Variants in LRRC7 observed in about 807,000 individuals in gnomAD.
LRRC7 encodes leucine rich repeat containing 7.
Under a neutral mutation model 175.7 loss-of-function variants are expected in LRRC7, and 23 were observed. The ratio of observed to expected loss-of-function variants is 0.13; its 90% CI spans 0.09 to 0.19. The LOEUF (loss-of-function observed/expected upper bound fraction) is 0.19, where lower values mean the gene tolerates loss of function less well. LRRC7 is among the 10% of genes least tolerant of loss of function. The pLI is 1.00. For missense variants in LRRC7, 1,354 were observed against 1,904.7 expected (o/e 0.71, Z 5.38); for synonymous variants, 685 against 680.9 (o/e 1.01, Z -0.09).
At chr1:70,003,351 A>G (rs192768768) in intron 11 of LRRC7, among the ~76,000 whole-genome samples, 10 of 152,322 alleles carry the variant, frequency 6.6e-5, no homozygotes, top group South Asian at 6.2e-4. Flanking sequence ...TCCATAACAT[A>G]TATCTTTTAA....
rs1659719351 is a variant in LRRC7, at chr1:70,039,944, A to G, written c.3969+151A>G. The G allele has an allele frequency of 3.7e-6, 4 of 1,092,654 alleles. No individual in the cohort carries two copies. In the South Asian group the frequency reaches 5.5e-5, roughly 15 times the overall value. 67.7% of individuals were successfully genotyped at this position (1,092,654 alleles called of 1,614,324 possible). A position where few individuals can be genotyped will look rare whatever the true frequency, so the allele number is the denominator to read the frequency against. Reference sequence around the variant, plus strand: ...CTTTATATTGTGGGGAAAATGGATCATAATAGTTTTTCATGGATGTGGCTA... The same window carrying G: ...CTTTATATTGTGGGGAAAATGGATCGTAATAGTTTTTCATGGATGTGGCTA... On this transcript the variant is annotated intron_variant, in intron 21 of 26. Coordinates refer to ENST00000651989, the MANE Select transcript of LRRC7 (RefSeq NM_001370785.2).
rs547575891 is a variant in LRRC7 at position 70,132,888 on chromosome 1, G to T, written c.*11001G>T. Among the ~76,000 whole-genome samples, 34 of 152,094 alleles carry T rather than the reference G, an allele frequency of 2.2e-4. No individual in the cohort carries two copies. Among genetic ancestry groups the T allele is most frequent in the Non-Finnish European group, 4.0e-4 (27 of 68,014 alleles). On this transcript the variant is annotated 3_prime_UTR_variant, in exon 27 of 27. Coordinates refer to ENST00000651989, the MANE Select transcript of LRRC7 (RefSeq NM_001370785.2). ...ACAGAAAGGGACCTTGAGAGGATCT[G>T]GTTCATTTGTCTATCTTCAGGGAAG...
intron 1 of LRRC7, among the ~76,000 whole-genome samples, chr1:69,642,059 G>A (rs905702782): frequency 2.0e-5 from 3 of 152,012 alleles, no homozygotes; most frequent in Middle Eastern, 3.4e-3. Context: ...ATTATTTCAT[G>A]TGGTTGAATA....
Position 70,140,242 on chromosome 1 carries a change from G to A in LRRC7, c.*18355G>A, listed in dbSNP as rs1667012912. ...TGATCCTACAGTTAATTTTAACATT[G>A]GGCTGCAAGCTTAACCTCATCAGGA... On this transcript the variant is annotated 3_prime_UTR_variant, in exon 27 of 27. Coordinates refer to ENST00000651989, the MANE Select transcript of LRRC7 (RefSeq NM_001370785.2). The A allele has an allele frequency of 6.6e-6, 1 of 151,990 alleles. No homozygotes were observed. The highest frequency in any genetic ancestry group is 6.6e-5 in the Admixed American group (1 of 15,238). The allele number at this position is 151,990 out of a possible 1,614,324, so 9.4% of individuals were successfully genotyped here. A position where few individuals can be genotyped will look rare whatever the true frequency, so the allele number is the denominator to read the frequency against.
chr1:69,955,037 T>A lies in LRRC7; in HGVS notation c.711+23467T>A, dbSNP rs141239702. On this transcript the variant is annotated intron_variant, in intron 8 of 26. Transcript: ENST00000651989. ...AATTATTATTCATTTCTTCGTTCAT[T>A]CAACAACTCTTAGATGAATGAATAC... 4.8e-4 allele frequency among the ~76,000 whole-genome samples: 73 copies of A among 152,202 alleles called. 2 individuals carry two copies. The highest frequency in any genetic ancestry group is 1.6e-3 in the African/African-American group (65 of 41,560).
intron 18 of LRRC7, among the ~76,000 whole-genome samples, chr1:70,030,908 A>T (rs725795): frequency 6.6e-6 from 1 of 152,158 alleles, no homozygotes; most frequent in East Asian, 1.9e-4. Flanking sequence ...GAGCCATAAG[A>T]AAAAGGAGGA....
rs555547809 is a variant in LRRC7, at chr1:70,002,805, C to T, written c.1004+8172C>T. Among the ~76,000 whole-genome samples, 163 of 152,174 alleles carry T rather than the reference C, an allele frequency of 1.1e-3. 1 individual carries two copies. The highest frequency in any genetic ancestry group is 1.8e-3 in the Non-Finnish European group (122 of 68,014). On this transcript the variant is annotated intron_variant, in intron 11 of 26. Transcript: ENST00000651989. Reference sequence around the variant, plus strand: ...ATAGGCTTCAATAAATTATTACAGTCATTATTTTATTAATAGTAAAATCCA... The same window carrying T: ...ATAGGCTTCAATAAATTATTACAGTTATTATTTTATTAATAGTAAAATCCA...
At chr1:70,097,924 G>A (rs1435588659) in intron 25 of LRRC7, among the ~76,000 whole-genome samples, 13 of 149,552 alleles carry the variant, frequency 8.7e-5, no homozygotes, top group East Asian at 3.9e-4. Context: ...ATAAACATAC[G>A]TGTGCATGTG....
At chr1:69,702,456 GT>G (rs1434178928) in intron 2 of LRRC7, among the ~76,000 whole-genome samples, 2 of 152,130 alleles carry the variant, frequency 1.3e-5, no homozygotes, top group Non-Finnish European at 2.9e-5. Context: ...TAGAACAATC[GT>G]TCCTGCATCA....
intron 22 of LRRC7, among the ~76,000 whole-genome samples, chr1:70,052,383 TATAA>T (rs901723918): frequency 2.2e-4 from 34 of 152,036 alleles, no homozygotes; most frequent in South Asian, 1.2e-3. Context: ...ATATCATTTA[TATAA>T]ATAAATAAAT....
At chr1:69,678,517 AT>A in intron 2 of LRRC7, 39 bp downstream of exon 2, 2 of 1,465,118 alleles carry the variant, frequency 1.4e-6, no homozygotes, top group African/African-American at 1.4e-5. Flanking sequence ...TTCTAGATAG[AT>A]TTTGGTGAGT....
chr1:69,963,737 C>T (rs1377086987), intron 8 of LRRC7, among the ~76,000 whole-genome samples: 8 of 152,060 alleles, frequency 5.3e-5, no homozygotes, highest in Admixed American at 5.2e-4. Flanking sequence ...CCAAAGTTTG[C>T]GGTATAGGTG....
chr1:69,848,463 T>C (rs1298710608), intron 7 of LRRC7, among the ~76,000 whole-genome samples: 1 of 152,114 alleles, frequency 6.6e-6, no homozygotes, highest in Non-Finnish European at 1.5e-5. Context: ...CTGAATTTCA[T>C]CAGATATATT....
intron 2 of LRRC7, among the ~76,000 whole-genome samples, chr1:69,754,768 G>A (rs1021485592): frequency 6.6e-6 from 1 of 151,976 alleles, no homozygotes. Context: ...TCTGAGAAAT[G>A]TGCATCTTTG....
At chr1:69,589,305 C>T (rs1455716988) in intron 1 of LRRC7, among the ~76,000 whole-genome samples, 1 of 152,090 alleles carries the variant, frequency 6.6e-6, no homozygotes, top group African/African-American at 2.4e-5. Flanking sequence ...AATTTCCATA[C>T]ATCCGCCAGG....
At chr1:69,875,678 G>A (rs1345858209) in intron 7 of LRRC7, among the ~76,000 whole-genome samples, 3 of 151,678 alleles carry the variant, frequency 2.0e-5, no homozygotes, top group Non-Finnish European at 2.9e-5. Context: ...GTTTATCTGT[G>A]ACGTTTCATA....
chr1:70,023,347 C>T lies in LRRC7; in HGVS notation c.1767C>T (p.Thr589=), dbSNP rs1657719679. ...CATTGCCAGTTGCAGCACAATCCACCACTCTTCCCTCTCTAAGTGGCAGAC... is the reference window on the plus strand; with the variant it reads ...CATTGCCAGTTGCAGCACAATCCACTACTCTTCCCTCTCTAAGTGGCAGAC... ...CTPLPVAAQS[T]TLPSLSGRQV... is the part of the protein sequence containing the mutation. The change falls in exon 17 of 27, where the codon ACC becomes ACT. Residue 589 remains threonine (T), a synonymous_variant. Transcript: ENST00000651989. 1 of 1,606,510 alleles carries T rather than the reference C, an allele frequency of 6.2e-7. No homozygotes were observed. The highest frequency in any genetic ancestry group is 1.1e-5 in the South Asian group (1 of 89,906).
chr1:69,891,762 T>TAAACATAATAGATA (rs1421142593), intron 7 of LRRC7, among the ~76,000 whole-genome samples: 1 of 151,818 alleles, frequency 6.6e-6, no homozygotes, highest in East Asian at 1.9e-4. Flanking sequence ...TGATTATAAA[T>TAAACATAATAGATA]AAACATAATA....
chr1:69,646,375 A>G (rs1013144136), intron 1 of LRRC7, among the ~76,000 whole-genome samples: 3 of 152,290 alleles, frequency 2.0e-5, no homozygotes, highest in Admixed American at 2.0e-4. Context: ...AATAGTGTAA[A>G]TAAGTAAATT....
Sources: gnomAD v4.1 joint callset for allele counts (sites outside exome capture counted in the v4.1 genomes callset) on GRCh38, gnomAD v4.1.1 for gene constraint, MANE v1.5 for transcripts, NCBI Gene and HGNC (gene_info 2026-07-23, HGNC 2026-07-21) for gene names.